The following HPGD variants were observed in gnomAD, a reference collection of about 807,000 sequenced individuals.
The protein encoded by HPGD is 15-hydroxyprostaglandin dehydrogenase, also known as 15-hydroxyprostaglandin dehydrogenase [NAD(+)].
In HPGD, 29 loss-of-function variants were observed where a neutral mutation model predicts 30.0. The observed-to-expected ratio is 0.97, with a 90% CI of 0.72 to 1.32. The LOEUF (loss-of-function observed/expected upper bound fraction) is 1.32, where lower values mean the gene tolerates loss of function less well. HPGD is among the 40% of genes most tolerant of loss of function. HPGD has a pLI of 0.00. For synonymous variants in HPGD, 99 were observed against 112.4 expected (o/e 0.88, Z 0.75); for missense variants, 340 against 322.1 (o/e 1.06, Z -0.43).
At chr4:174,498,454 T>C (rs1187597886) in intron 4 of HPGD, among the ~76,000 whole-genome samples, 3 of 152,264 alleles carry the variant, frequency 2.0e-5, no homozygotes, top group African/African-American at 7.2e-5. Context: ...AATGAACATG[T>C]CCATCACCCT....
chr4:174,497,568 C>CCTTTT (rs1560976894), intron 4 of HPGD, among the ~76,000 whole-genome samples: 2 of 51,114 alleles, frequency 3.9e-5, no homozygotes, highest in African/African-American at 1.3e-4. Context: ...CTTTTTCTTT[C>CCTTTT]TTTTTTTTTT....
rs1437530618 is a variant in HPGD, at chr4:174,496,080, CT to C, written c.422-457del. Among the ~76,000 whole-genome samples the C allele has an allele frequency of 2.6e-5, 4 of 152,156 alleles. No homozygotes were observed. Among genetic ancestry groups the C allele is most frequent in the Non-Finnish European group, 5.9e-5 (4 of 68,030 alleles). ...TCAGAGAGTCTTGGAGATTATTAGT[CT>C]TCACTACAAATTAGTATGCAATTTC... On this transcript the variant is annotated intron_variant, in intron 4 of 6. Transcript: ENST00000296522. The surrounding 1 kb of genome is among the most constrained non-coding windows in gnomAD (Gnocchi z 4.6).
At chr4:174,502,422 T>A (rs990426609) in intron 4 of HPGD, among the ~76,000 whole-genome samples, 1 of 152,132 alleles carries the variant, frequency 6.6e-6, no homozygotes, top group African/African-American at 2.4e-5. Context: ...CTGACGCCTG[T>A]AATCCCAGCA....
rs910155806 is a variant in HPGD, at chr4:174,492,379, C to T, written c.663-285G>A. On this transcript the variant is annotated intron_variant, in intron 6 of 6. Transcript: ENST00000296522. The surrounding 1 kb of genome is among the most constrained non-coding windows in gnomAD (Gnocchi z 4.9). ...ATCATTTTGGCAGGAGGAATTTATA[C>T]TCATTATTTTCACTGAGCAAATGAT... 6.6e-6 allele frequency among the ~76,000 whole-genome samples: 1 copy of T among 151,874 alleles called. No individual in the cohort carries two copies. Among genetic ancestry groups the T allele is most frequent in the Non-Finnish European group, 1.5e-5 (1 of 67,840 alleles).
At chr4:174,504,351 A>G (rs754951175) in intron 4 of HPGD, among the ~76,000 whole-genome samples, 3 of 152,136 alleles carry the variant, frequency 2.0e-5, no homozygotes, top group East Asian at 1.9e-4. Context: ...GGAGACTCCA[A>G]TGTTTTGACT....
At chr4:174,513,205 T>C (rs1486251645) in intron 3 of HPGD, among the ~76,000 whole-genome samples, 2 of 152,190 alleles carry the variant, frequency 1.3e-5, no homozygotes, top group Non-Finnish European at 2.9e-5. Context: ...CTATTACAAA[T>C]ATCAGTAGTA....
chr4:174,513,325 A>G (rs922365687), intron 3 of HPGD, among the ~76,000 whole-genome samples: 3 of 152,160 alleles, frequency 2.0e-5, no homozygotes, highest in African/African-American at 7.2e-5. Context: ...ATGAGTCTAT[A>G]TTCTTAAAAA....
rs1252759250 is a variant in HPGD, at chr4:174,493,136, C to T, written c.662+15G>A. The stretch of plus-strand genomic sequence containing the variant: ...GCTTCATCATTTAAAAGAAAATAGA[C>T]ATAGTTTTACTTACTCCAAAATTCC... On this transcript the variant is annotated intron_variant, in intron 6 of 6. Transcript: ENST00000296522. 3 of 1,546,896 alleles carry T rather than the reference C, an allele frequency of 1.9e-6. No individual in the cohort carries two copies. Among genetic ancestry groups the T allele is most frequent in the South Asian group, 1.1e-5 (1 of 87,774 alleles).
chr4:174,510,405 C>A (rs370732430), intron 3 of HPGD, among the ~76,000 whole-genome samples: 1 of 152,142 alleles, frequency 6.6e-6, no homozygotes, highest in Non-Finnish European at 1.5e-5. Context: ...CAGTTGGATT[C>A]TGTTAGTTTC....
chr4:174,490,556 A>C lies in HPGD; in HGVS notation c.*1400T>G, dbSNP rs547141987. 2.6e-5 allele frequency: 4 copies of C among 152,480 alleles called. No individual in the cohort carries two copies. In the East Asian group the frequency reaches 7.5e-4, roughly 29 times the overall value. 9.4% of individuals were successfully genotyped at this position (152,480 alleles called of 1,614,324 possible). A position where few individuals can be genotyped will look rare whatever the true frequency, so the allele number is the denominator to read the frequency against. ...ACAAGCTTATGCCTGATTACAGTTT[A>C]TCTCTATCAGATGTTCATTGATGTT... On this transcript the variant is annotated 3_prime_UTR_variant, in exon 7 of 7. Transcript: ENST00000296522. The surrounding 1 kb of genome is among the most constrained non-coding windows in gnomAD (Gnocchi z 4.4).
Position 174,494,413 on chromosome 4 carries a change from G to T in HPGD, c.499-1099C>A, listed in dbSNP as rs1560975259. ...TGACTTCATGGAACATAACCACCAT[G>T]CATACTGAGAATTGACTGTAGAAGT... On this transcript the variant is annotated intron_variant, in intron 5 of 6. Transcript: ENST00000296522. The surrounding 1 kb of genome is among the most constrained non-coding windows in gnomAD (Gnocchi z 4.9). Among the ~76,000 whole-genome samples, 1 of 152,166 alleles carries T rather than the reference G, an allele frequency of 6.6e-6. No individual in the cohort carries two copies. Among genetic ancestry groups the T allele is most frequent in the Non-Finnish European group, 1.5e-5 (1 of 68,024 alleles).
In HPGD at chr4:174,521,974, A is replaced by C; in HGVS notation, c.187T>G (p.Cys63Gly). 1.2e-6 allele frequency: 2 copies of C among 1,614,094 alleles called. No homozygotes were observed. ...FEPQKTLFIQ[C>G]DVADQQQLRD... ...AGTTGTTGCTGGTCAGCCACATCGC[A>C]CTGGATGAACAGAGTCTTCTGAGGT... Residue 63 changes from cysteine to glycine, a missense_variant, in exon 2 of 7, where the codon TGC becomes GGC. Transcript: ENST00000296522.
chr4:174,517,548 A>T, intron 3 of HPGD, among the ~76,000 whole-genome samples: 1 of 152,212 alleles, frequency 6.6e-6, no homozygotes, highest in African/African-American at 2.4e-5. Context: ...TAAATGAATG[A>T]CTGTGGCTGT....
In HPGD at chr4:174,495,561, G is replaced by C; in HGVS notation, c.485C>G (p.Thr162Arg). The C allele has an allele frequency of 6.2e-7, 1 of 1,612,872 alleles. No individual in the cohort carries two copies. Among genetic ancestry groups the C allele is most frequent in the Non-Finnish European group, 8.5e-7 (1 of 1,178,930 alleles). ...TTGTAGCCTCACCGCTGCTGAGCGT[G>C]TGAATCCAACTATGCCATGCTTTGA... ...CASKHGIVGF[T>R]RSAALAANLM... The change falls in exon 5 of 7, where the codon ACA becomes AGA. Residue 162 changes from threonine to arginine, a missense_variant. By Grantham distance (71) the Thr-to-Arg change is moderately conservative. Transcript: ENST00000296522.
intron 5 of HPGD, 128 bp downstream of exon 5, chr4:174,495,420 G>T: frequency 1.4e-6 from 1 of 719,330 alleles, no homozygotes; most frequent in Non-Finnish European, 2.5e-6. Flanking sequence ...TTTTATAATT[G>T]AGATGGAGGT....
At chr4:174,516,134 A>G (rs557727016) in intron 3 of HPGD, among the ~76,000 whole-genome samples, 5 of 152,196 alleles carry the variant, frequency 3.3e-5, no homozygotes, top group Non-Finnish European at 5.9e-5. Context: ...CAGCAACCCC[A>G]TTACTGGGTA....
At chr4:174,504,854 C>A (rs190304632) in intron 4 of HPGD, among the ~76,000 whole-genome samples, 1 of 148,594 alleles carries the variant, frequency 6.7e-6, no homozygotes, top group East Asian at 2.0e-4. Context: ...AACAAACAAA[C>A]GGAGTGCATT....
chr4:174,505,164 T>G (rs952232836), intron 4 of HPGD, among the ~76,000 whole-genome samples: 1 of 152,208 alleles, frequency 6.6e-6, no homozygotes, highest in Non-Finnish European at 1.5e-5. Context: ...TTGCATTTGA[T>G]ACTCTGTCTG....
At chr4:174,502,728 TTCTATAACAAAAA>T (rs1734982496) in intron 4 of HPGD, among the ~76,000 whole-genome samples, 1 of 150,698 alleles carries the variant, frequency 6.6e-6, no homozygotes, top group Non-Finnish European at 1.5e-5. Flanking sequence ...CCACTATATA[TTCTATAACAAAAA>T]TCTTCCCAGA....
Sources: allele counts gnomAD v4.1 joint callset (sites outside exome capture counted in the v4.1 genomes callset), GRCh38; gene constraint gnomAD v4.1.1; non-coding constraint Gnocchi (gnomAD v3.1); transcripts MANE v1.5; gene names NCBI Gene and HGNC (gene_info 2026-07-23, HGNC 2026-07-21).